Variants in EDIL3 observed in about 807,000 individuals in gnomAD.
EDIL3 encodes EGF like and discoidin domains 3.
EDIL3 carries 37 observed loss-of-function variants against 67.4 expected under a neutral mutation model. That is an observed-to-expected ratio of 0.55 (90% CI 0.42 to 0.72). The LOEUF is 0.72. Ranked by LOEUF, EDIL3 falls within the 30% of genes least tolerant of loss-of-function variation. The pLI is 0.00. For synonymous variants in EDIL3, 195 were observed against 196.3 expected (o/e 0.99, Z 0.05); for missense variants, 527 against 586.3 (o/e 0.90, Z 1.04).
intron 1 of EDIL3, among the ~76,000 whole-genome samples, chr5:84,372,737 T>C (rs1434176237): frequency 6.6e-6 from 1 of 152,186 alleles, no homozygotes; most frequent in African/African-American, 2.4e-5. Context: ...CATGTCCTCA[T>C]CTGTCAACAG....
chr5:84,238,163 A>ATG (rs369475107), intron 2 of EDIL3, among the ~76,000 whole-genome samples: 14 of 151,584 alleles, frequency 9.2e-5, no homozygotes, highest in African/African-American at 1.7e-4. Flanking sequence ...GTGTGTGTGT[A>ATG]TGTGTGTGTG....
At chr5:84,332,621 G>A (rs2112167487) in intron 1 of EDIL3, among the ~76,000 whole-genome samples, 1 of 152,200 alleles carries the variant, frequency 6.6e-6, no homozygotes, top group African/African-American at 2.4e-5. Context: ...CAAAAGGAGG[G>A]CCCAGGGCAA....
At chr5:84,077,811 T>C (rs1746888151) in intron 6 of EDIL3, among the ~76,000 whole-genome samples, 1 of 151,920 alleles carries the variant, frequency 6.6e-6, no homozygotes, top group Admixed American at 6.6e-5. Flanking sequence ...CTCCTCTTTC[T>C]TTTCTCTTCC....
chr5:84,009,898 T>C (rs1399267019), intron 9 of EDIL3, among the ~76,000 whole-genome samples: 2 of 152,220 alleles, frequency 1.3e-5, no homozygotes, highest in Non-Finnish European at 1.5e-5. Context: ...CTGTCCCAGA[T>C]GGGAGACCAC....
intron 3 of EDIL3, among the ~76,000 whole-genome samples, chr5:84,209,693 T>C (rs898073393): frequency 9.2e-5 from 14 of 152,126 alleles, no homozygotes; most frequent in African/African-American, 3.4e-4. Context: ...AAGGCTATTC[T>C]CAACTTATAT....
chr5:84,370,921 A>C (rs1445683468), intron 1 of EDIL3, among the ~76,000 whole-genome samples: 1 of 151,286 alleles, frequency 6.6e-6, no homozygotes, highest in Non-Finnish European at 1.5e-5. Context: ...TTCTTCATGC[A>C]TGCATGCATG....
chr5:84,372,090 C>G (rs305643), intron 1 of EDIL3, among the ~76,000 whole-genome samples: 1 of 151,978 alleles, frequency 6.6e-6, no homozygotes, highest in African/African-American at 2.4e-5. Flanking sequence ...TACAGACTAA[C>G]GTATGTGGCG....
At position 84,065,335 on chromosome 5, in the gene EDIL3, C is replaced by G. The variant is rs544871622; in HGVS notation, c.808-491G>C. ...GAAGATTATGTCTTCATCAACCAGTCCCATGTACTTGGATAATAGAATTCC... is the reference window on the plus strand; with the variant it reads ...GAAGATTATGTCTTCATCAACCAGTGCCATGTACTTGGATAATAGAATTCC... On this transcript the variant is annotated intron_variant, in intron 7 of 10. Coordinates refer to ENST00000296591, the MANE Select transcript of EDIL3 (RefSeq NM_005711.5). Among the ~76,000 whole-genome samples, 5 of 152,180 alleles carry G rather than the reference C, an allele frequency of 3.3e-5. No homozygotes were observed. In the East Asian group the frequency reaches 9.7e-4, roughly 29 times the overall value.
chr5:84,369,261 CAT>C (rs1747798479), intron 1 of EDIL3, among the ~76,000 whole-genome samples: 1 of 145,754 alleles, frequency 6.9e-6, no homozygotes, highest in African/African-American at 2.5e-5. Flanking sequence ...TATACACACA[CAT>C]ATAAATATAC....
intron 2 of EDIL3, among the ~76,000 whole-genome samples, chr5:84,242,564 G>C (rs1417607825): frequency 6.6e-6 from 1 of 152,080 alleles, no homozygotes; most frequent in African/African-American, 2.4e-5. Flanking sequence ...TCGGGAGGCT[G>C]AGGTGGGCGG....
Position 84,064,854 on chromosome 5 carries a change from AAC to A in EDIL3, c.808-12_808-11del, listed in dbSNP as rs772230750. On this transcript the variant is annotated splice_polypyrimidine_tract_variant and intron_variant, in intron 7 of 10. Coordinates refer to ENST00000296591, the MANE Select transcript of EDIL3 (RefSeq NM_005711.5). ...TGTTTCCACGAAACACCTGTGTAAAAACAGTTTAAAATTATTCACTGCAACAG... is the reference window on the plus strand; with the variant it reads ...TGTTTCCACGAAACACCTGTGTAAAAAGTTTAAAATTATTCACTGCAACAG... 32 of 1,604,516 alleles carry A rather than the reference AAC, an allele frequency of 2.0e-5. No homozygotes were observed. The South Asian group carries it at 2.8e-4, about 14-fold the overall frequency.
chr5:84,032,923 G>A (rs1745954722), intron 9 of EDIL3, among the ~76,000 whole-genome samples: 2 of 152,180 alleles, frequency 1.3e-5, no homozygotes, highest in African/African-American at 4.8e-5. Context: ...ACATCCAACA[G>A]TGCTCAGGGA....
rs543831721 is a variant in EDIL3 at position 84,235,826 on chromosome 5, A to C, written c.197-5942T>G. Among the ~76,000 whole-genome samples, 10 of 152,116 alleles carry C rather than the reference A, an allele frequency of 6.6e-5. No individual in the cohort carries two copies. In the South Asian group the frequency reaches 2.1e-3, roughly 31 times the overall value. On this transcript the variant is annotated intron_variant, in intron 2 of 10. Coordinates refer to ENST00000296591, the MANE Select transcript of EDIL3 (RefSeq NM_005711.5). ...TCTATAGCTATATGTCATTATATAA[A>C]TCAGATTTTCCTTCTTGGGGTAGGA...
chr5:83,957,604 G>A (rs1019602629), intron 10 of EDIL3, among the ~76,000 whole-genome samples: 2 of 151,666 alleles, frequency 1.3e-5, no homozygotes, highest in Non-Finnish European at 3.0e-5. Flanking sequence ...TGATGATATT[G>A]CTGCTTCTAT....
intron 2 of EDIL3, among the ~76,000 whole-genome samples, chr5:84,231,777 A>G (rs992166218): frequency 1.3e-5 from 2 of 152,010 alleles, no homozygotes; most frequent in South Asian, 2.1e-4. Context: ...TTCAAAGAGG[A>G]AAAAAAATGG....
chr5:83,965,052 T>C (rs1336182143), intron 9 of EDIL3, among the ~76,000 whole-genome samples: 3 of 152,064 alleles, frequency 2.0e-5, no homozygotes, highest in Non-Finnish European at 4.4e-5. Flanking sequence ...GATCCAAAAA[T>C]AAACAGTGAA....
At chr5:84,383,104 A>G (rs1748123072) in intron 1 of EDIL3, among the ~76,000 whole-genome samples, 1 of 152,220 alleles carries the variant, frequency 6.6e-6, no homozygotes, top group South Asian at 2.1e-4. Context: ...AAATCCATCT[A>G]CCTTTTTTAG....
At chr5:84,259,464 T>A (rs1490689567) in intron 1 of EDIL3, among the ~76,000 whole-genome samples, 1 of 152,240 alleles carries the variant, frequency 6.6e-6, no homozygotes, top group African/African-American at 2.4e-5. Flanking sequence ...AGGACAGATG[T>A]GTTTAATTTG....
chr5:84,197,768 C>T (rs927925787), intron 3 of EDIL3, among the ~76,000 whole-genome samples: 29 of 151,784 alleles, frequency 1.9e-4, no homozygotes, highest in Non-Finnish European at 8.8e-5. Flanking sequence ...AAGTGGCAGG[C>T]GAGAAAGCCA....
Sources: gnomAD v4.1 joint callset for allele counts (sites outside exome capture counted in the v4.1 genomes callset) on GRCh38, gnomAD v4.1.1 for gene constraint, MANE v1.5 for transcripts, NCBI Gene and HGNC (gene_info 2026-07-23, HGNC 2026-07-21) for gene names.